ERLEC1: variants seen among roughly 807,000 people sequenced by gnomAD.
The protein encoded by ERLEC1 is endoplasmic reticulum lectin 1.
In ERLEC1, 47 loss-of-function variants were observed where a neutral mutation model predicts 68.0. The ratio of observed to expected loss-of-function variants is 0.69; its 90% confidence interval spans 0.55 to 0.88. ERLEC1 has a LOEUF of 0.88. ERLEC1 is among the 40% of genes least tolerant of loss of function. The probability of loss-of-function intolerance (pLI) is 0.00; values close to 1 mark genes in which losing one functional copy is unlikely to be tolerated. For synonymous variants in ERLEC1, 225 were observed against 203.2 expected (o/e 1.11, Z -0.91); for missense variants, 567 against 583.8 (o/e 0.97, Z 0.30).
At chr2:53,809,055 ATTTGTC>A (rs1676450636) in intron 9 of ERLEC1, among the ~76,000 whole-genome samples, 153 bp from the exon 10 acceptor site, 1 of 152,146 alleles carries the variant, frequency 6.6e-6, no homozygotes, top group African/African-American at 2.4e-5. Flanking sequence ...TATTCTCTGT[ATTTGTC>A]TTTAATTTCT....
chr2:53,798,000 T>C (rs1675807815), intron 5 of ERLEC1, among the ~76,000 whole-genome samples: 1 of 152,090 alleles, frequency 6.6e-6, no homozygotes, highest in African/African-American at 2.4e-5. Context: ...ATTGAGACCA[T>C]CCTGGCTAAC....
chr2:53,801,418 G>A lies in ERLEC1; in HGVS notation c.547G>A (p.Gly183Ser), dbSNP rs1401340341. Residue 183 changes from glycine (G) to serine (S), a missense_variant, in exon 7 of 14, where the codon GGT (glycine) becomes AGT (serine). Physicochemically the swap from Gly to Ser is moderately conservative, Grantham distance 56 (BLOSUM62 0). Coordinates refer to ENST00000185150, the MANE Select transcript of ERLEC1 (RefSeq NM_015701.5). Reference protein sequence around the residue: ...SNEIPTKNIEGQMTPYYPVGM... With the variant: ...SNEIPTKNIESQMTPYYPVGM... ...TAAGATTCCCACTAAAAATATCGAA[G>A]GTCAGATGACACCATACTATCCTGT... 1 of 1,613,400 alleles carries A rather than the reference G, an allele frequency of 6.2e-7. No individual in the cohort carries two copies. Among genetic ancestry groups the A allele is most frequent in the Non-Finnish European group, 8.5e-7 (1 of 1,179,732 alleles).
At chr2:53,804,897 G>A (rs1676200641) in intron 8 of ERLEC1, among the ~76,000 whole-genome samples, 1 of 151,152 alleles carries the variant, frequency 6.6e-6, no homozygotes, top group Non-Finnish European at 1.5e-5. Context: ...AAATAAGTGA[G>A]AACATGGGAT....
chr2:53,787,125 G>GCCTCCTCCT lies in ERLEC1; in HGVS notation c.-83_-75dup. The stretch of plus-strand genomic sequence containing the variant: ...TACCCGGGCGCTTTATAGTCCCGCC[G>GCCTCCTCCT]CCTCCTCCTCCACCTCCTCCTCCTC... On this transcript the variant is annotated 5_prime_UTR_variant, in exon 1 of 14. Coordinates refer to ENST00000185150, the MANE Select transcript of ERLEC1 (RefSeq NM_015701.5). 1 of 661,226 alleles carries GCCTCCTCCT rather than the reference G, an allele frequency of 1.5e-6. No homozygotes were observed. The highest frequency in any genetic ancestry group is 3.7e-5 in the Admixed American group (1 of 26,988). The allele number at this position is 661,226 out of a possible 1,614,324, so 41.0% of individuals were successfully genotyped here. A position where few individuals can be genotyped will look rare whatever the true frequency, so the allele number is the denominator to read the frequency against.
intron 1 of ERLEC1, 45 bp downstream of exon 1, chr2:53,787,417 T>A: frequency 1.3e-6 from 2 of 1,571,288 alleles, no homozygotes; most frequent in Non-Finnish European, 1.7e-6. Context: ...CTCCTGACAC[T>A]AAGGGTTCGG....
At chr2:53,815,231 C>G (rs1676816689) in intron 13 of ERLEC1, among the ~76,000 whole-genome samples, 1 of 151,896 alleles carries the variant, frequency 6.6e-6, no homozygotes, top group East Asian at 1.9e-4. Context: ...GTCTCAAACT[C>G]CTGACCTCAG....
chr2:53,792,980 C>T (rs1675491574), intron 1 of ERLEC1, among the ~76,000 whole-genome samples: 2 of 150,976 alleles, frequency 1.3e-5, no homozygotes. Flanking sequence ...CTGCACTCAG[C>T]CTGGGTTAGT....
intron 6 of ERLEC1, among the ~76,000 whole-genome samples, chr2:53,799,591 T>C (rs1398827636): frequency 6.6e-6 from 1 of 152,204 alleles, no homozygotes; most frequent in Non-Finnish European, 1.5e-5. Context: ...TTCTGTAACA[T>C]AGGGACGTTT....
In ERLEC1 at chr2:53,818,759, CA is replaced by C. The variant is rs1558612020; in HGVS notation, c.*792del. 6.6e-6 allele frequency: 1 copy of C among 152,114 alleles called. No individual in the cohort carries two copies. The highest frequency in any genetic ancestry group is 1.5e-5 in the Non-Finnish European group (1 of 68,026). The allele number at this position is 152,114 out of a possible 1,614,324, so 9.4% of individuals were successfully genotyped here. On this transcript the variant is annotated 3_prime_UTR_variant, in exon 14 of 14. Coordinates refer to ENST00000185150, the MANE Select transcript of ERLEC1 (RefSeq NM_015701.5). Reference sequence around the variant, plus strand: ...TTTCACTTCTGAACAGTTTACAGCACAATATTTATTTTAAAGTGAATAAAAT... The same window carrying C: ...TTTCACTTCTGAACAGTTTACAGCACATATTTATTTTAAAGTGAATAAAAT...
chr2:53,805,562 G>A lies in ERLEC1; in HGVS notation c.880-2737G>A, dbSNP rs184550209. Among the ~76,000 whole-genome samples the A allele has an allele frequency of 1.4e-4, 21 of 152,224 alleles. No homozygotes were observed. The East Asian group carries it at 3.3e-3, about 24-fold the overall frequency. ...CCATTCATCTGTTGATGGACACTTA[G>A]GTTGTTTCCAAATGTTGGCTGTTGT... is the stretch of plus-strand genomic sequence containing the variant. On this transcript the variant is annotated intron_variant, in intron 8 of 13. Transcript: ENST00000185150.
rs1675072856 is a variant in ERLEC1 at position 53,787,085 on chromosome 2, CGGT to C, written c.-125_-123del. The stretch of plus-strand genomic sequence containing the variant: ...GGCTCTCCGGAAGGAGACGTGGCGG[CGGT>C]TGGGCCGGTGATACCCGGGCGCTTT... On this transcript the variant is annotated 5_prime_UTR_variant, in exon 1 of 14. Transcript: ENST00000185150. 2 of 1,284,152 alleles carry C rather than the reference CGGT, an allele frequency of 1.6e-6. No individual in the cohort carries two copies. Among genetic ancestry groups the C allele is most frequent in the Non-Finnish European group, 2.0e-6 (2 of 975,712 alleles). The allele number at this position is 1,284,152 out of a possible 1,614,324, so 79.5% of individuals were successfully genotyped here. A position where few individuals can be genotyped will look rare whatever the true frequency, so the allele number is the denominator to read the frequency against.
At chr2:53,797,872 ATT>A in intron 5 of ERLEC1, 77 bp downstream of exon 5, 4 of 1,202,680 alleles carry the variant, frequency 3.3e-6, no homozygotes, top group South Asian at 2.7e-5. Flanking sequence ...AATTTACGAG[ATT>A]TTTTTTTTGG....
chr2:53,817,075 G>A (rs1676934210), intron 13 of ERLEC1, among the ~76,000 whole-genome samples: 1 of 151,774 alleles, frequency 6.6e-6, no homozygotes, highest in African/African-American at 2.4e-5. Context: ...TATCACTGAT[G>A]TATTTTTTAT....
Position 53,818,240 on chromosome 2 carries a change from C to A in ERLEC1, c.*271C>A. 1 of 261,844 alleles carries A rather than the reference C, an allele frequency of 3.8e-6. No homozygotes were observed. The highest frequency in any genetic ancestry group is 9.9e-5 in the South Asian group (1 of 10,062). The allele number at this position is 261,844 out of a possible 1,614,324, so 16.2% of individuals were successfully genotyped here. The stretch of plus-strand genomic sequence containing the variant: ...GATACTGTGATTCCAAAATAAATCT[C>A]ATCCAAGCAAGTTAGAGTCCAGCCT... On this transcript the variant is annotated 3_prime_UTR_variant, in exon 14 of 14. Transcript: ENST00000185150.
At chr2:53,793,054 T>C (rs1675496001) in intron 1 of ERLEC1, among the ~76,000 whole-genome samples, 1 of 151,684 alleles carries the variant, frequency 6.6e-6, no homozygotes, top group African/African-American at 2.4e-5. Context: ...ACAAAGGTCC[T>C]TAATAAGAAG....
At chr2:53,802,898 T>C (rs1676079654) in intron 8 of ERLEC1, among the ~76,000 whole-genome samples, 1 of 152,134 alleles carries the variant, frequency 6.6e-6, no homozygotes. Context: ...CACCCAGCCC[T>C]ACTTGACCTT....
Position 53,794,426 on chromosome 2 carries a change from C to G in ERLEC1, c.244C>G (p.Pro82Ala). Residue 82 changes from proline to alanine, a missense_variant, in exon 2 of 14, where the codon CCC (proline) becomes GCC (alanine). Pro to Ala is a conservative substitution (Grantham distance 27). Coordinates refer to ENST00000185150, the MANE Select transcript of ERLEC1 (RefSeq NM_015701.5). ...TAAAGAAAAATATAAATGCATACTT[C>G]CCCTTGTGACAAGTGGGGATGAGGT... Reference protein sequence around the residue: ...AHKEKYKCILPLVTSGDEEEE... With the variant: ...AHKEKYKCILALVTSGDEEEE... 6.4e-7 allele frequency: 1 copy of G among 1,561,604 alleles called. No homozygotes were observed. Among genetic ancestry groups the G allele is most frequent in the Non-Finnish European group, 8.8e-7 (1 of 1,142,552 alleles).
chr2:53,800,351 T>A (rs1024900334), intron 6 of ERLEC1, among the ~76,000 whole-genome samples: 3 of 152,104 alleles, frequency 2.0e-5, no homozygotes, highest in African/African-American at 7.2e-5. Flanking sequence ...ATAAGGTCCA[T>A]TGTTGACCAA....
chr2:53,815,576 AG>A (rs1356832788), intron 13 of ERLEC1, among the ~76,000 whole-genome samples: 1 of 152,202 alleles, frequency 6.6e-6, no homozygotes. Flanking sequence ...AATACCCCTT[AG>A]CCTTGCTCAA....
Sources: gnomAD v4.1 joint callset for allele counts (sites outside exome capture counted in the v4.1 genomes callset) on GRCh38, gnomAD v4.1.1 for gene constraint, MANE v1.5 for transcripts, NCBI Gene and HGNC (gene_info 2026-07-23, HGNC 2026-07-21) for gene names.